KCNJ9: variants seen among roughly 807,000 people sequenced by gnomAD.
The protein encoded by KCNJ9 is G protein-activated inward rectifier potassium channel 3.
Under a neutral mutation model 27.9 loss-of-function variants are expected in KCNJ9, and 18 were observed. That is an observed-to-expected ratio of 0.65 (90% confidence interval 0.45 to 0.96). The LOEUF is 0.96. Ranked by LOEUF, KCNJ9 falls within the 40% of genes least tolerant of loss-of-function variation. The pLI, the probability that KCNJ9 is intolerant of heterozygous loss-of-function variation, is 0.00. For synonymous variants in KCNJ9, 229 were observed against 248.2 expected, an observed-to-expected ratio of 0.92 and a Z score of 0.73; for missense variants, 324 against 557.5, an observed-to-expected ratio of 0.58 and a Z score of 4.22.
intron 2 of KCNJ9, among the ~76,000 whole-genome samples, chr1:160,086,950 C>CCT (rs779778157): frequency 4.6e-5 from 7 of 152,162 alleles, no homozygotes; most frequent in Non-Finnish European, 7.3e-5. Flanking sequence ...ATCTGAGACT[C>CCT]CTGTTTTCAG....
chr1:160,088,040 T>C lies in KCNJ9; in HGVS notation c.*223T>C, dbSNP rs1264310822. ...AATGGAGGGTGGGGCCGGGTGAAAATGCCAGTCTGTGTTTGACCTTCACAT... is the reference window on the plus strand; with the variant it reads ...AATGGAGGGTGGGGCCGGGTGAAAACGCCAGTCTGTGTTTGACCTTCACAT... On this transcript the variant is annotated 3_prime_UTR_variant, in exon 3 of 3. Transcript: ENST00000368088. The C allele has an allele frequency of 7.0e-6, 3 of 429,592 alleles. No homozygotes were observed. The highest frequency in any genetic ancestry group is 2.0e-5 in the African/African-American group (1 of 49,420). The allele number at this position is 429,592 out of a possible 1,614,324, so 26.6% of individuals were successfully genotyped here. A position where few individuals can be genotyped will look rare whatever the true frequency, so the allele number is the denominator to read the frequency against.
chr1:160,086,068 C>G (rs1381079281), intron 2 of KCNJ9, among the ~76,000 whole-genome samples: 1 of 152,180 alleles, frequency 6.6e-6, no homozygotes, highest in African/African-American at 2.4e-5. Flanking sequence ...AGGGAAGTTG[C>G]TGCCCGGCCC....
Position 160,083,962 on chromosome 1 carries a change from G to T in KCNJ9, c.-69G>T, listed in dbSNP as rs1649728632. 1.2e-5 allele frequency: 14 copies of T among 1,195,122 alleles called. No individual in the cohort carries two copies. Among genetic ancestry groups the T allele is most frequent in the African/African-American group, 1.6e-5 (1 of 62,818 alleles). The allele number at this position is 1,195,122 out of a possible 1,614,324, so 74.0% of individuals were successfully genotyped here. ...CCGCCTAGGCGCCCAGCGACGCGCGGCAGGTGGCAGCAGCTCGGGCCCCCG... is the reference window on the plus strand; with the variant it reads ...CCGCCTAGGCGCCCAGCGACGCGCGTCAGGTGGCAGCAGCTCGGGCCCCCG... On this transcript the variant is annotated 5_prime_UTR_variant, in exon 2 of 3. Coordinates refer to ENST00000368088, the MANE Select transcript of KCNJ9 (RefSeq NM_004983.3).
intron 2 of KCNJ9, among the ~76,000 whole-genome samples, chr1:160,085,267 T>C (rs1649756768): frequency 6.6e-6 from 1 of 152,244 alleles, no homozygotes; most frequent in African/African-American, 2.4e-5. Context: ...CTTCTTGTTA[T>C]TGTGCTCACT....
intron 1 of KCNJ9, among the ~76,000 whole-genome samples, chr1:160,082,273 C>G (rs1649691305): frequency 6.6e-6 from 1 of 152,192 alleles, no homozygotes; most frequent in African/African-American, 2.4e-5. Flanking sequence ...TCTGCATGAC[C>G]TGGGGTCTCT....
At position 160,089,948 on chromosome 1, in the gene KCNJ9, CAGCCAGGGTCCTATGGGCAT is replaced by C. The variant is rs1243042275; in HGVS notation, c.*2140_*2159del. 2.6e-5 allele frequency: 4 copies of C among 152,236 alleles called. No individual in the cohort carries two copies. The highest frequency in any genetic ancestry group is 9.7e-5 in the African/African-American group (4 of 41,444). The allele number at this position is 152,236 out of a possible 1,614,324, so 9.4% of individuals were successfully genotyped here. ...TGGGCAGATAGGGTCCTATGGGGCA[CAGCCAGGGTCCTATGGGCAT>C]AGCCAGGGCCCTATGGGTCCTCTGG... On this transcript the variant is annotated 3_prime_UTR_variant, in exon 3 of 3. Coordinates refer to ENST00000368088, the MANE Select transcript of KCNJ9 (RefSeq NM_004983.3).
In KCNJ9 at chr1:160,083,984, C is replaced by T. The variant is rs1372833366; in HGVS notation, c.-47C>T. The T allele has an allele frequency of 4.9e-6, 6 of 1,224,792 alleles. No individual in the cohort carries two copies. The highest frequency in any genetic ancestry group is 3.2e-4 in the Middle Eastern group (1 of 3,146). 75.9% of individuals were successfully genotyped at this position (1,224,792 alleles called of 1,614,324 possible). A position where few individuals can be genotyped will look rare whatever the true frequency, so the allele number is the denominator to read the frequency against. On this transcript the variant is annotated 5_prime_UTR_variant, in exon 2 of 3. Transcript: ENST00000368088. ...GCGGCAGGTGGCAGCAGCTCGGGCCCCCGCCGCACTCCAGGCGCCCGCAGC... is the reference window on the plus strand; with the variant it reads ...GCGGCAGGTGGCAGCAGCTCGGGCCTCCGCCGCACTCCAGGCGCCCGCAGC...
At position 160,084,223 on chromosome 1, in the gene KCNJ9, G is replaced by A. The variant is rs201539032; in HGVS notation, c.193G>A (p.Val65Ile). Residue 65 changes from valine to isoleucine, a missense_variant, in exon 2 of 3, where the codon GTC becomes ATC. Coordinates refer to ENST00000368088, the MANE Select transcript of KCNJ9 (RefSeq NM_004983.3). ...GTGGCGCCTCAGCCTGTTGTTCTTC[G>A]TCCTGGCCTACGCGCTCACCTGGCT... ...LQWRLSLLFF[V>I]LAYALTWLFF... The A allele has an allele frequency of 2.2e-5, 35 of 1,613,190 alleles. No homozygotes were observed. Among genetic ancestry groups the A allele is most frequent in the Non-Finnish European group, 3.0e-5 (35 of 1,179,756 alleles).
intron 1 of KCNJ9, among the ~76,000 whole-genome samples, chr1:160,083,040 C>T (rs940420273): frequency 6.6e-6 from 1 of 152,248 alleles, no homozygotes; most frequent in South Asian, 2.1e-4. Context: ...TAGTGCTTCA[C>T]CTGATCTGAT....
chr1:160,087,959 C>T lies in KCNJ9; in HGVS notation c.*142C>T, dbSNP rs111971429. 2.9e-5 allele frequency: 23 copies of T among 781,446 alleles called. No homozygotes were observed. Among genetic ancestry groups the T allele is most frequent in the Non-Finnish European group, 3.6e-5 (20 of 553,462 alleles). The allele number at this position is 781,446 out of a possible 1,614,324, so 48.4% of individuals were successfully genotyped here. A position where few individuals can be genotyped will look rare whatever the true frequency, so the allele number is the denominator to read the frequency against. On this transcript the variant is annotated 3_prime_UTR_variant, in exon 3 of 3. Coordinates refer to ENST00000368088, the MANE Select transcript of KCNJ9 (RefSeq NM_004983.3). ...TGCTAAAGTTGGAAAGTCCCCGTCC[C>T]CCAGAACCTCAAGTCTAGAAACCAG...
Position 160,087,524 on chromosome 1 carries a change from G to A in KCNJ9, c.889G>A (p.Glu297Lys). 7 of 1,610,388 alleles carry A rather than the reference G, an allele frequency of 4.3e-6. No individual in the cohort carries two copies. Among genetic ancestry groups the A allele is most frequent in the Non-Finnish European group, 4.2e-6 (5 of 1,177,294 alleles). ...CQARSSYLVDEVLWGHRFTSV... is the reference protein window; with the variant it reads ...CQARSSYLVDKVLWGHRFTSV... Reference sequence around the variant, plus strand: ...AGCTCGGAGCTCCTACCTGGTAGACGAGGTGCTGTGGGGCCACCGCTTCAC... The same window carrying A: ...AGCTCGGAGCTCCTACCTGGTAGACAAGGTGCTGTGGGGCCACCGCTTCAC... The change falls in exon 3 of 3, where the codon GAG (glutamate) becomes AAG (lysine). Residue 297 changes from glutamate (E) to lysine (K), a missense_variant. This residue lies in a region of KCNJ9 where 241 missense variants were observed against 481.7 expected (regional missense o/e 0.50). Coordinates refer to ENST00000368088, the MANE Select transcript of KCNJ9 (RefSeq NM_004983.3).
At position 160,084,668 on chromosome 1, in the gene KCNJ9, G is replaced by A. The variant is rs868742809; in HGVS notation, c.638G>A (p.Arg213His). ...ATCCGCGCCAAGCTCATCCGCTCGC[G>A]CCAGACGCTGGAGGGCGAGTTCATC... ...ASIRAKLIRS[R>H]QTLEGEFIPL... The change falls in exon 2 of 3, where the codon CGC becomes CAC. Residue 213 changes from arginine to histidine, a missense_variant. Physicochemically the swap from Arg to His is conservative, Grantham distance 29. Transcript: ENST00000368088. The A allele has an allele frequency of 6.3e-7, 1 of 1,594,616 alleles. No homozygotes were observed. Among genetic ancestry groups the A allele is most frequent in the Non-Finnish European group, 8.5e-7 (1 of 1,170,742 alleles).
chr1:160,082,130 G>T (rs1424902176), intron 1 of KCNJ9, among the ~76,000 whole-genome samples: 2 of 152,204 alleles, frequency 1.3e-5, no homozygotes, highest in Non-Finnish European at 2.9e-5. Flanking sequence ...CCGACATCGG[G>T]GTTCCTTCCC....
rs1027698775 is a variant in KCNJ9 at position 160,083,819 on chromosome 1, G to C, written c.-114-98G>C. The stretch of plus-strand genomic sequence containing the variant: ...AGAAATAGAGGCCAGGCAACACGAA[G>C]GGACTCGCCCAGGGCCCCCCAGGGC... On this transcript the variant is annotated intron_variant, in intron 1 of 2. Transcript: ENST00000368088. 2.5e-5 allele frequency: 8 copies of C among 316,634 alleles called. No homozygotes were observed. In the East Asian group the frequency reaches 3.3e-4, roughly 13 times the overall value. 19.6% of individuals were successfully genotyped at this position (316,634 alleles called of 1,614,324 possible). A position where few individuals can be genotyped will look rare whatever the true frequency, so the allele number is the denominator to read the frequency against.
intron 2 of KCNJ9, among the ~76,000 whole-genome samples, chr1:160,085,296 T>C (rs993267774): frequency 1.3e-5 from 2 of 152,242 alleles, no homozygotes; most frequent in African/African-American, 4.8e-5. Context: ...ATGAGATTGC[T>C]CCAATGAGAA....
chr1:160,086,119 G>C (rs1649773821), intron 2 of KCNJ9, among the ~76,000 whole-genome samples: 1 of 151,932 alleles, frequency 6.6e-6, no homozygotes, highest in African/African-American at 2.4e-5. Flanking sequence ...TCTCCTCCTC[G>C]AAGCCCTTCT....
At position 160,087,780 on chromosome 1, in the gene KCNJ9, G is replaced by A. The variant is rs1557981684; in HGVS notation, c.1145G>A (p.Gly382Asp). 6.7e-7 allele frequency: 1 copy of A among 1,503,496 alleles called. No homozygotes were observed. The allele number at this position is 1,503,496 out of a possible 1,614,324, so 93.1% of individuals were successfully genotyped here. The change falls in exon 3 of 3, where the codon GGC (glycine) becomes GAC (aspartate). Residue 382 changes from glycine (G) to aspartate (D), a missense_variant. Gly to Asp is a moderately conservative substitution (Grantham distance 94). Around this residue, in one of 3 missense-constraint regions of KCNJ9, gnomAD observed 51 missense variants for 44.1 expected, o/e 1.16. Coordinates refer to ENST00000368088, the MANE Select transcript of KCNJ9 (RefSeq NM_004983.3). ...GEAGADKEQN[G>D]CLPPPESESK... ...GCTGGGGCTGACAAGGAGCAGAATG[G>A]CTGCCTGCCACCCCCAGAGAGTGAG... is the stretch of plus-strand genomic sequence containing the variant.
intron 2 of KCNJ9, among the ~76,000 whole-genome samples, chr1:160,086,097 C>T (rs1007041743): frequency 7.9e-5 from 12 of 152,182 alleles, no homozygotes; most frequent in African/African-American, 2.9e-4. Context: ...CTTTGTACCC[C>T]CAGCCCTGCC....
intron 2 of KCNJ9, among the ~76,000 whole-genome samples, chr1:160,086,006 T>G (rs191256380): frequency 5.9e-5 from 9 of 152,194 alleles, no homozygotes; most frequent in Admixed American, 3.9e-4. Flanking sequence ...TTCCTCTCTC[T>G]CCAGCTGTCA....
Sources: gnomAD v4.1 joint callset for allele counts (sites outside exome capture counted in the v4.1 genomes callset) on GRCh38, gnomAD v4.1.1 for gene constraint, gnomAD v4.1.1 regional missense constraint, MANE v1.5 for transcripts, NCBI Gene and HGNC (gene_info 2026-07-23, HGNC 2026-07-21) for gene names.